MYT1L: variants seen among roughly 807,000 people sequenced by gnomAD.
The protein encoded by MYT1L is myelin transcription factor 1 like.
A neutral mutation model predicts 126.7 loss-of-function variants in MYT1L; 12 were observed. The ratio of observed to expected loss-of-function variants is 0.09; its 90% CI spans 0.06 to 0.15. MYT1L has a LOEUF of 0.15. MYT1L is among the 10% of genes least tolerant of loss of function. The pLI, the probability that MYT1L is intolerant of heterozygous loss-of-function variation, is 1.00. For synonymous variants in MYT1L, 541 were observed against 604.2 expected, an observed-to-expected ratio of 0.90 and a Z score of 1.53; for missense variants, 979 against 1,585.2, an observed-to-expected ratio of 0.62 and a Z score of 6.49.
intron 21 of MYT1L, among the ~76,000 whole-genome samples, chr2:1,833,573 C>T (rs2040463490): frequency 6.6e-6 from 1 of 152,206 alleles, no homozygotes; most frequent in Non-Finnish European, 1.5e-5. Context: ...CTCCAGTTCT[C>T]CCCCTCCTTT....
In MYT1L at chr2:1,926,817, G is replaced by T. The variant is rs574427598; in HGVS notation, c.506-3554C>A. ...GCCTCCCAAAGTGCTGGGATTATAGGCATGAGCCACTGAGCCTGGCCTCCA... is the reference window on the plus strand; with the variant it reads ...GCCTCCCAAAGTGCTGGGATTATAGTCATGAGCCACTGAGCCTGGCCTCCA... On this transcript the variant is annotated intron_variant, in intron 9 of 24. Coordinates refer to ENST00000647738, the MANE Select transcript of MYT1L (RefSeq NM_001303052.2). Among the ~76,000 whole-genome samples, 3 of 152,316 alleles carry T rather than the reference G, an allele frequency of 2.0e-5. No individual in the cohort carries two copies. The South Asian group carries it at 6.2e-4, about 32-fold the overall frequency.
chr2:2,002,187 GGA>G (rs1181658635), intron 4 of MYT1L, among the ~76,000 whole-genome samples: 1 of 152,058 alleles, frequency 6.6e-6, no homozygotes, highest in African/African-American at 2.4e-5. Flanking sequence ...GGCCACAGTT[GGA>G]GAAACACCGG....
At chr2:2,149,978 T>C (rs1293028359) in intron 3 of MYT1L, among the ~76,000 whole-genome samples, 3 of 152,312 alleles carry the variant, frequency 2.0e-5, no homozygotes, top group African/African-American at 4.8e-5. Flanking sequence ...ATTGTCAACA[T>C]AGTGATCACA....
intron 3 of MYT1L, among the ~76,000 whole-genome samples, chr2:2,131,987 C>T (rs1358604906): frequency 6.8e-6 from 1 of 146,362 alleles, no homozygotes; most frequent in Non-Finnish European, 1.5e-5. Context: ...TGGCTCACTG[C>T]AACCTCCAAC....
At chr2:2,172,090 C>T (rs1473687200) in intron 3 of MYT1L, among the ~76,000 whole-genome samples, 3 of 152,134 alleles carry the variant, frequency 2.0e-5, no homozygotes, top group East Asian at 3.9e-4. Flanking sequence ...TCCATTCACT[C>T]GTTCAGAACC....
intron 21 of MYT1L, among the ~76,000 whole-genome samples, chr2:1,833,310 G>A (rs769189283): frequency 1.3e-5 from 2 of 152,108 alleles, no homozygotes; most frequent in Non-Finnish European, 2.9e-5. Flanking sequence ...ACCACCCTAG[G>A]CTCTGCTGCG....
chr2:2,208,498 T>TA, intron 2 of MYT1L, among the ~76,000 whole-genome samples: 1 of 152,148 alleles, frequency 6.6e-6, no homozygotes, highest in Admixed American at 6.6e-5. Flanking sequence ...ATTCCTTCAG[T>TA]AAAAAAAGGG....
intron 18 of MYT1L, among the ~76,000 whole-genome samples, chr2:1,885,812 T>C (rs570358043): frequency 1.3e-5 from 2 of 152,200 alleles, no homozygotes; most frequent in Admixed American, 1.3e-4. Context: ...TCTCCCCGGA[T>C]TGCGGAGGCT....
At chr2:2,293,949 G>T (rs1326766204) in intron 1 of MYT1L, among the ~76,000 whole-genome samples, 1 of 152,190 alleles carries the variant, frequency 6.6e-6, no homozygotes, top group African/African-American at 2.4e-5. Flanking sequence ...CCATGGGAAG[G>T]CAACGGCCAC....
intron 4 of MYT1L, among the ~76,000 whole-genome samples, chr2:2,041,957 G>C (rs2067598378): frequency 6.6e-6 from 1 of 152,084 alleles, no homozygotes; most frequent in South Asian, 2.1e-4. Flanking sequence ...CACACCCCTA[G>C]CTCTTTTACC....
At chr2:2,131,962 G>T (rs1053976387) in intron 3 of MYT1L, among the ~76,000 whole-genome samples, 2 of 136,714 alleles carry the variant, frequency 1.5e-5, no homozygotes, top group Admixed American at 8.0e-5. Context: ...AGGCTGAAGT[G>T]CAGTGGTGCG....
At chr2:2,040,007 T>C (rs1294461270) in intron 4 of MYT1L, among the ~76,000 whole-genome samples, 1 of 152,106 alleles carries the variant, frequency 6.6e-6, no homozygotes, top group Admixed American at 6.5e-5. Flanking sequence ...GGTGTATGCG[T>C]GAGGGCCTGC....
Position 2,103,790 on chromosome 2 carries a change from C to T in MYT1L, c.-303-49667G>A, listed in dbSNP as rs1050794747. On this transcript the variant is annotated intron_variant, in intron 3 of 24. Coordinates refer to ENST00000647738, the MANE Select transcript of MYT1L (RefSeq NM_001303052.2). ...CACGAGAAACAACAGCAAGATCTCA[C>T]GGTGACAAGCAGGTGTTGTCATGTC... Among the ~76,000 whole-genome samples the T allele has an allele frequency of 3.3e-5, 5 of 152,212 alleles. No individual in the cohort carries two copies. In the East Asian group the frequency reaches 5.8e-4, roughly 18 times the overall value.
intron 21 of MYT1L, among the ~76,000 whole-genome samples, chr2:1,838,709 G>A (rs79048334): frequency 0.014 from 2,069 of 152,278 alleles, 64 homozygotes; most frequent in African/African-American, 0.048. Context: ...AGGTTGATGG[G>A]GTTTTTTGGG....
rs182004729 is a variant in MYT1L at position 1,802,976 on chromosome 2, G to A, written c.3173-1177C>T. ...CTGTTTTCAAGCTTTGCAGACAGAA[G>A]GGCAGAAGGGGTACAATCAACCAGA... On this transcript the variant is annotated intron_variant, in intron 22 of 24. Transcript: ENST00000647738. Among the ~76,000 whole-genome samples the A allele has an allele frequency of 2.0e-5, 3 of 152,216 alleles. No individual in the cohort carries two copies. The East Asian group carries it at 5.8e-4, about 29-fold the overall frequency.
Position 1,848,220 on chromosome 2 carries a change from C to T in MYT1L, c.2774+3421G>A, listed in dbSNP as rs560328390. 1.4e-4 allele frequency among the ~76,000 whole-genome samples: 21 copies of T among 152,234 alleles called. No individual in the cohort carries two copies. Among genetic ancestry groups the T allele is most frequent in the Non-Finnish European group, 2.6e-4 (18 of 68,042 alleles). On this transcript the variant is annotated intron_variant, in intron 19 of 24. Transcript: ENST00000647738. This position sits in a 1 kb window ranked among gnomAD's most constrained non-coding sequence, Gnocchi z 4.8. ...GATGGGAGCTGGGAATGCTCTGCAA[C>T]TGCAGACAGAATTGGAGTGTGTGCC...
At chr2:2,120,999 G>A (rs554799689) in intron 3 of MYT1L, among the ~76,000 whole-genome samples, 1 of 152,160 alleles carries the variant, frequency 6.6e-6, no homozygotes, top group African/African-American at 2.4e-5. Context: ...GCGGTCACCG[G>A]GAGGCCGGCG....
intron 4 of MYT1L, among the ~76,000 whole-genome samples, chr2:2,037,355 C>T (rs2149981644): frequency 6.6e-6 from 1 of 152,214 alleles, no homozygotes; most frequent in South Asian, 2.1e-4. Context: ...TGGGGTATTG[C>T]TGTTGCTAAT....
At chr2:2,082,727 C>G (rs975877264) in intron 3 of MYT1L, among the ~76,000 whole-genome samples, 5 of 152,016 alleles carry the variant, frequency 3.3e-5, no homozygotes, top group Admixed American at 3.3e-4. Context: ...ATATATAAAC[C>G]CTTCGGAAAA....
Sources: allele counts gnomAD v4.1 joint callset (sites outside exome capture counted in the v4.1 genomes callset), GRCh38; gene constraint gnomAD v4.1.1; non-coding constraint Gnocchi (gnomAD v3.1); transcripts MANE v1.5; gene names NCBI Gene and HGNC (gene_info 2026-07-23, HGNC 2026-07-21).